FBXW7: variants seen among roughly 807,000 people sequenced by gnomAD.
FBXW7 encodes F-box and WD repeat domain containing 7, also known as F-box/WD repeat-containing protein 7.
In FBXW7, 11 loss-of-function variants were observed where a neutral mutation model predicts 86.3. That is an observed-to-expected ratio of 0.13 (90% confidence interval 0.08 to 0.21). The LOEUF (loss-of-function observed/expected upper bound fraction) is 0.21, where lower values mean the gene tolerates loss of function less well. FBXW7 is among the 10% of genes least tolerant of loss of function. The pLI is 1.00. For missense variants in FBXW7, 488 were observed against 847.4 expected (o/e 0.58, Z 5.27); for synonymous variants, 313 against 297.9 (o/e 1.05, Z -0.52).
chr4:152,323,295 A>G, intron 13 of FBXW7, 146 bp from the exon 14 acceptor site: 1 of 968,448 alleles, frequency 1.0e-6, no homozygotes. Context: ...TGTCCTCAGT[A>G]TTTTAGGATC....
At chr4:152,357,025 T>C (rs1022424770) in intron 4 of FBXW7, among the ~76,000 whole-genome samples, 1 of 152,170 alleles carries the variant, frequency 6.6e-6, no homozygotes, top group African/African-American at 2.4e-5. Context: ...TTAGAACTCA[T>C]ACTGAAATTA....
intron 2 of FBXW7, among the ~76,000 whole-genome samples, chr4:152,455,486 C>T (rs748573495): frequency 8.7e-4 from 132 of 152,214 alleles, no homozygotes; most frequent in Non-Finnish European, 1.5e-3. Context: ...GTGCTCCTCA[C>T]TTCCTTCTGG....
intron 4 of FBXW7, among the ~76,000 whole-genome samples, chr4:152,380,629 T>C (rs933428664): frequency 6.6e-6 from 1 of 152,002 alleles, no homozygotes; most frequent in Non-Finnish European, 1.5e-5. Context: ...TAATTTATCT[T>C]ACAGAATCTT....
chr4:152,452,898 A>C (rs1742034659), intron 2 of FBXW7, among the ~76,000 whole-genome samples: 1 of 152,234 alleles, frequency 6.6e-6, no homozygotes, highest in African/African-American at 2.4e-5. Flanking sequence ...AAACTTAATT[A>C]CTGGCCAGGC....
intron 10 of FBXW7, 101 bp from the exon 11 acceptor site, chr4:152,328,490 ATT>A (rs1257918668): frequency 1.3e-6 from 1 of 749,582 alleles, no homozygotes. Context: ...TACTTATTTA[ATT>A]TGTTTGGCTC....
intron 2 of FBXW7, among the ~76,000 whole-genome samples, chr4:152,440,191 TA>T (rs1278845128): frequency 2.0e-5 from 3 of 152,286 alleles, no homozygotes; most frequent in Admixed American, 1.3e-4. Context: ...CTATGTCTTC[TA>T]AAAAAATTTT....
intron 5 of FBXW7, 70 bp from the exon 6 acceptor site, chr4:152,347,141 T>C: frequency 8.0e-7 from 1 of 1,254,236 alleles, no homozygotes; most frequent in Non-Finnish European, 1.1e-6. Flanking sequence ...CAAAGATAGA[T>C]ACTTATTAAT....
intron 2 of FBXW7, among the ~76,000 whole-genome samples, chr4:152,508,147 C>T (rs934186659): frequency 1.1e-4 from 17 of 151,606 alleles, no homozygotes; most frequent in African/African-American, 4.1e-4. Context: ...CTTGAAGAGG[C>T]TTCATGGGGC....
intron 2 of FBXW7, among the ~76,000 whole-genome samples, chr4:152,472,838 C>A (rs1744078034): frequency 6.6e-6 from 1 of 152,064 alleles, no homozygotes; most frequent in Non-Finnish European, 1.5e-5. Flanking sequence ...AGCCATCACA[C>A]TAATTTACTA....
chr4:152,353,114 A>G, intron 4 of FBXW7: 2 of 577,260 alleles, frequency 3.5e-6, no homozygotes, highest in Non-Finnish European at 2.3e-6. Flanking sequence ...ATTTCCACAA[A>G]TAAGTCTTTT....
At chr4:152,343,941 T>C (rs954943444) in intron 6 of FBXW7, among the ~76,000 whole-genome samples, 1 of 152,152 alleles carries the variant, frequency 6.6e-6, no homozygotes, top group Non-Finnish European at 1.5e-5. Context: ...ATAAACAGAA[T>C]ACAGAGTACT....
At chr4:152,473,824 A>C (rs1579298538) in intron 2 of FBXW7, among the ~76,000 whole-genome samples, 1 of 152,190 alleles carries the variant, frequency 6.6e-6, no homozygotes, top group Admixed American at 6.5e-5. Context: ...TGAGACTTAC[A>C]GTGATCATTA....
At chr4:152,495,513 G>GT (rs1746252444) in intron 2 of FBXW7, among the ~76,000 whole-genome samples, 1 of 152,114 alleles carries the variant, frequency 6.6e-6, no homozygotes. Flanking sequence ...GTGTGTGCCA[G>GT]TAACATGGAA....
At chr4:152,376,372 T>C (rs528988933) in intron 4 of FBXW7, among the ~76,000 whole-genome samples, 12 of 152,228 alleles carry the variant, frequency 7.9e-5, no homozygotes, top group African/African-American at 2.6e-4. Flanking sequence ...GAAAATTTTA[T>C]TGTAGAATAA....
intron 4 of FBXW7, among the ~76,000 whole-genome samples, chr4:152,408,719 A>C (rs901864258): frequency 6.6e-6 from 1 of 152,208 alleles, no homozygotes; most frequent in African/African-American, 2.4e-5. Context: ...GATGTTTGTC[A>C]AATTCAACCA....
At chr4:152,404,033 T>C (rs904581734) in intron 4 of FBXW7, among the ~76,000 whole-genome samples, 13 of 152,256 alleles carry the variant, frequency 8.5e-5, no homozygotes, top group South Asian at 6.2e-4. Context: ...TCTTAGAAAA[T>C]TGCCAGGGTA....
At chr4:152,423,911 G>A (rs1038325865) in intron 2 of FBXW7, among the ~76,000 whole-genome samples, 6 of 152,224 alleles carry the variant, frequency 3.9e-5, no homozygotes, top group African/African-American at 1.4e-4. Context: ...TTTGAGTGTT[G>A]TTACTTTTCT....
intron 3 of FBXW7, 83 bp from the exon 4 acceptor site, chr4:152,411,955 A>G: frequency 2.4e-6 from 3 of 1,264,242 alleles, no homozygotes; most frequent in Non-Finnish European, 3.1e-6. Context: ...TACTTTCTAA[A>G]TATCATTAAT....
chr4:152,353,159 C>G (rs35729379), intron 4 of FBXW7, among the ~76,000 whole-genome samples: 2 of 152,272 alleles, frequency 1.3e-5, no homozygotes, highest in South Asian at 2.1e-4. Flanking sequence ...TATTTTCATA[C>G]GGTCCCCCTG....
Sources: gnomAD v4.1 joint callset for allele counts (sites outside exome capture counted in the v4.1 genomes callset) on GRCh38, gnomAD v4.1.1 for gene constraint, MANE v1.5 for transcripts, NCBI Gene and HGNC (gene_info 2026-07-23, HGNC 2026-07-21) for gene names.